Variants in PRKD1 observed in about 807,000 individuals in gnomAD.
PRKD1 encodes serine/threonine-protein kinase D1.
A neutral mutation model predicts 95.9 loss-of-function variants in PRKD1; 63 were observed. That is an observed-to-expected ratio of 0.66 (90% confidence interval 0.54 to 0.81). The LOEUF (loss-of-function observed/expected upper bound fraction) is 0.81, where lower values mean the gene tolerates loss of function less well. PRKD1 is among the 30% of genes least tolerant of loss of function. PRKD1 has a pLI of 0.00. For missense variants in PRKD1, 1,048 were observed against 1,165.3 expected, an observed-to-expected ratio of 0.90 and a Z score of 1.47; for synonymous variants, 425 against 423.1, an observed-to-expected ratio of 1.00 and a Z score of -0.05.
At chr14:29,590,037 A>T (rs1480621897) in intron 16 of PRKD1, among the ~76,000 whole-genome samples, 1 of 152,206 alleles carries the variant, frequency 6.6e-6, no homozygotes, top group East Asian at 1.9e-4. Flanking sequence ...TAATCAGTCA[A>T]TGATGAGATA....
chr14:29,697,012 T>A (rs1012619396), intron 2 of PRKD1, among the ~76,000 whole-genome samples: 1 of 152,054 alleles, frequency 6.6e-6, no homozygotes, highest in African/African-American at 2.4e-5. Flanking sequence ...AAGAAAACCC[T>A]GGAGTCCAGT....
intron 1 of PRKD1, among the ~76,000 whole-genome samples, chr14:29,879,275 T>C (rs1035036467): frequency 3.3e-5 from 5 of 152,212 alleles, no homozygotes; most frequent in Non-Finnish European, 5.9e-5. Flanking sequence ...TTCCCACATG[T>C]GGGAGGGACC....
chr14:29,678,011 T>C (rs1335866783), intron 2 of PRKD1, among the ~76,000 whole-genome samples: 1 of 152,238 alleles, frequency 6.6e-6, no homozygotes, highest in African/African-American at 2.4e-5. Context: ...GAAGTTGATG[T>C]TGAATTTATA....
intron 1 of PRKD1, among the ~76,000 whole-genome samples, chr14:29,740,167 G>A (rs541031332): frequency 1.3e-5 from 2 of 152,120 alleles, no homozygotes; most frequent in Non-Finnish European, 2.9e-5. Context: ...GCGTGTGGAT[G>A]TGCAGCTTGG....
At chr14:29,747,086 C>G (rs1043896509) in intron 1 of PRKD1, among the ~76,000 whole-genome samples, 10 of 151,992 alleles carry the variant, frequency 6.6e-5, no homozygotes, top group Non-Finnish European at 4.4e-5. Context: ...GTTCCTAACC[C>G]AAAGAAATGA....
chr14:29,827,900 C>T (rs1040964048), intron 1 of PRKD1, among the ~76,000 whole-genome samples: 2 of 152,092 alleles, frequency 1.3e-5, no homozygotes, highest in African/African-American at 4.8e-5. Flanking sequence ...GACACCTTCT[C>T]CTATCTTGAT....
At chr14:29,780,833 T>G (rs978393689) in intron 1 of PRKD1, among the ~76,000 whole-genome samples, 6 of 152,094 alleles carry the variant, frequency 3.9e-5, no homozygotes, top group African/African-American at 1.4e-4. Flanking sequence ...TAAAGACACA[T>G]GCACACGTAC....
At chr14:29,863,625 CATATT>C (rs1401605271) in intron 1 of PRKD1, among the ~76,000 whole-genome samples, 4 of 152,046 alleles carry the variant, frequency 2.6e-5, no homozygotes, top group African/African-American at 4.8e-5. Context: ...CACAAAGTGA[CATATT>C]ATAACTGAAG....
chr14:29,884,979 CG>C (rs1893645231), intron 1 of PRKD1, among the ~76,000 whole-genome samples: 1 of 151,832 alleles, frequency 6.6e-6, no homozygotes, highest in African/African-American at 2.4e-5. Flanking sequence ...AAAAATTAGC[CG>C]GGCATCGTGG....
chr14:29,627,756 C>T (rs1403433666), intron 11 of PRKD1, among the ~76,000 whole-genome samples: 5 of 152,080 alleles, frequency 3.3e-5, no homozygotes, highest in Admixed American at 6.6e-5. Flanking sequence ...AAACCCTTAT[C>T]TTTTTCCTTT....
chr14:29,597,621 A>T lies in PRKD1; in HGVS notation c.2304T>A (p.Ser768=). 2 of 1,614,090 alleles carry T rather than the reference A, an allele frequency of 1.2e-6. No individual in the cohort carries two copies. Among genetic ancestry groups the T allele is most frequent in the Non-Finnish European group, 1.7e-6 (2 of 1,179,992 alleles). ...GGCTTACATAGATGATGACCCCAAC[A>T]GACCACATGTCTAGAGAGCGATTGT... ...KGYNRSLDMW[S]VGVIIYVSLS... is the part of the protein sequence containing the mutation. Residue 768 remains serine (S), a synonymous_variant, in exon 16 of 18, where the codon TCT becomes TCA. Transcript: ENST00000331968.
At chr14:29,677,777 C>T (rs966567082) in intron 2 of PRKD1, among the ~76,000 whole-genome samples, 4 of 152,146 alleles carry the variant, frequency 2.6e-5, no homozygotes, top group African/African-American at 4.8e-5. Context: ...GTTGGCCAGG[C>T]TTGTCTCAAA....
In PRKD1 at chr14:29,624,183, C is replaced by A. The variant is rs746086535; in HGVS notation, c.1874G>T (p.Ser625Ile). 3 of 1,604,390 alleles carry A rather than the reference C, an allele frequency of 1.9e-6. No individual in the cohort carries two copies. Among genetic ancestry groups the A allele is most frequent in the Non-Finnish European group, 2.6e-6 (3 of 1,175,014 alleles). The change falls in exon 13 of 18, where the codon AGC becomes ATC. Residue 625 changes from serine (S) to isoleucine (I), a missense_variant. By Grantham distance (142) the Ser-to-Ile change is moderately radical (BLOSUM62 -2). Around this residue, in one of 3 missense-constraint regions of PRKD1, gnomAD observed 739 missense variants for 861.9 expected, o/e 0.86. Transcript: ENST00000331968. The part of the protein sequence containing the change: ...DKLRFPTKQE[S>I]QLRNEVAILQ... ...AATTGCAACCTCATTACGAAGCTGG[C>A]TTTCTTGTTTTGTTGGAAATCGTAA... is the stretch of plus-strand genomic sequence containing the variant.
chr14:29,624,951 A>T (rs1879521919), intron 12 of PRKD1, among the ~76,000 whole-genome samples: 1 of 152,090 alleles, frequency 6.6e-6, no homozygotes, highest in Non-Finnish European at 1.5e-5. Flanking sequence ...ATATTGTGGT[A>T]GGTACAAAAA....
intron 4 of PRKD1, chr14:29,656,404 T>C: frequency 7.2e-7 from 1 of 1,389,336 alleles, no homozygotes; most frequent in Non-Finnish European, 9.9e-7. Context: ...AATTGTCTGA[T>C]GTCAGCGTAA....
chr14:29,704,440 C>T (rs1394253266), intron 2 of PRKD1, among the ~76,000 whole-genome samples: 1 of 152,102 alleles, frequency 6.6e-6, no homozygotes, highest in African/African-American at 2.4e-5. Context: ...TAATTTACAA[C>T]ACATTACTAT....
intron 16 of PRKD1, among the ~76,000 whole-genome samples, chr14:29,596,185 C>CTAA (rs1893295283): frequency 6.6e-6 from 1 of 152,156 alleles, no homozygotes; most frequent in African/African-American, 2.4e-5. Context: ...CAATAGCAGT[C>CTAA]TAATAACTTA....
chr14:29,712,405 G>A (rs1360233054), intron 2 of PRKD1, among the ~76,000 whole-genome samples: 1 of 152,058 alleles, frequency 6.6e-6, no homozygotes, highest in Non-Finnish European at 1.5e-5. Context: ...AATAGAATAA[G>A]ATGAGACCCA....
chr14:29,585,795 T>C (rs886325363), intron 16 of PRKD1, among the ~76,000 whole-genome samples: 2 of 152,196 alleles, frequency 1.3e-5, no homozygotes, highest in Admixed American at 1.3e-4. Flanking sequence ...TTTAATGGAC[T>C]ACACACTAAA....
Sources: allele counts gnomAD v4.1 joint callset (sites outside exome capture counted in the v4.1 genomes callset), GRCh38; gene constraint gnomAD v4.1.1; regional missense constraint gnomAD v4.1.1; transcripts MANE v1.5; gene names NCBI Gene and HGNC (gene_info 2026-07-23, HGNC 2026-07-21).